PDE4A: variants seen among roughly 807,000 people sequenced by gnomAD.
The protein encoded by PDE4A is phosphodiesterase 4A, also known as 3',5'-cyclic-AMP phosphodiesterase 4A.
A neutral mutation model predicts 73.9 loss-of-function variants in PDE4A; 21 were observed. The observed-to-expected ratio is 0.28, with a 90% confidence interval of 0.20 to 0.41. The LOEUF is 0.41. Among genes scored for constraint, PDE4A ranks in the 10% least tolerant of loss-of-function variants. The pLI, the probability that PDE4A is intolerant of heterozygous loss-of-function variation, is 1.00. For synonymous variants in PDE4A, 463 were observed against 505.4 expected, an observed-to-expected ratio of 0.92 and a Z score of 1.13; for missense variants, 958 against 1,211.4, an observed-to-expected ratio of 0.79 and a Z score of 3.10.
intron 1 of PDE4A, among the ~76,000 whole-genome samples, chr19:10,421,667 T>C (rs913574818): frequency 1.3e-5 from 2 of 152,030 alleles, no homozygotes; most frequent in Non-Finnish European, 2.9e-5. Context: ...TGCGTTAGAT[T>C]GGAGTTCCCC....
In PDE4A at chr19:10,467,095, C is replaced by G. The variant is rs535059972; in HGVS notation, c.2135C>G (p.Thr712Arg). The G allele has an allele frequency of 1.2e-6, 2 of 1,614,086 alleles. No homozygotes were observed. Among genetic ancestry groups the G allele is most frequent in the South Asian group, 2.2e-5 (2 of 91,086 alleles). ...PLPDKFQFEL[T>R]LEEEEEEEIS... ...CCTGACAAGTTCCAGTTTGAGCTGA[C>G]GCTGGAGGAGGAAGAGGAGGAAGAA... is the stretch of plus-strand genomic sequence containing the variant. Residue 712 changes from threonine (T) to arginine (R), a missense_variant, in exon 15 of 15, where the codon ACG (threonine) becomes AGG (arginine). By Grantham distance (71) the Thr-to-Arg change is moderately conservative (BLOSUM62 -1). Around this residue, in one of 3 missense-constraint regions of PDE4A, gnomAD observed 243 missense variants for 245.9 expected, o/e 0.99. Transcript: ENST00000380702.
chr19:10,419,544 G>C (rs536703638), upstream of PDE4A: 1 of 152,458 alleles, frequency 6.6e-6, no homozygotes, highest in South Asian at 2.1e-4. Context: ...AGAAGAGGCA[G>C]CGATGTATAG....
Position 10,453,358 on chromosome 19 carries a change from G to A in PDE4A, c.784-1471G>A, listed in dbSNP as rs201135525. 4.4e-6 allele frequency: 7 copies of A among 1,601,436 alleles called. No homozygotes were observed. In the East Asian group the frequency reaches 6.8e-5, roughly 15 times the overall value. On this transcript the variant is annotated intron_variant, in intron 6 of 14. Transcript: ENST00000380702. The surrounding 1 kb of genome is among the most constrained non-coding windows in gnomAD (Gnocchi z 4.6). ...GGAGAGTGCAGGGTAGGGGGTGGGCGGGCATCCTGGTGAGCTGGGCCCCCG... is the reference window on the plus strand; with the variant it reads ...GGAGAGTGCAGGGTAGGGGGTGGGCAGGCATCCTGGTGAGCTGGGCCCCCG...
chr19:10,422,812 C>T (rs1055131671), intron 1 of PDE4A, among the ~76,000 whole-genome samples: 1 of 152,134 alleles, frequency 6.6e-6, no homozygotes, highest in Admixed American at 6.5e-5. Context: ...AAGTTGGAAT[C>T]AACAGAAAAT....
At chr19:10,435,589 C>A (rs906305686) in intron 1 of PDE4A, among the ~76,000 whole-genome samples, 2 of 151,674 alleles carry the variant, frequency 1.3e-5, no homozygotes, top group Non-Finnish European at 2.9e-5. Context: ...CACACACACA[C>A]ACAAACAAAC....
At chr19:10,452,419 A>C (rs2043105492) in intron 6 of PDE4A, among the ~76,000 whole-genome samples, 3 of 151,404 alleles carry the variant, frequency 2.0e-5, no homozygotes, top group Non-Finnish European at 2.9e-5. Context: ...CCTGGGCGAC[A>C]AGAGTGAAAA....
intron 1 of PDE4A, among the ~76,000 whole-genome samples, chr19:10,438,152 C>T (rs1017229802): frequency 4.1e-5 from 6 of 146,072 alleles, no homozygotes; most frequent in Non-Finnish European, 6.0e-5. Flanking sequence ...CTCGCTCTGT[C>T]GCCAGGCTGG....
intron 1 of PDE4A, among the ~76,000 whole-genome samples, chr19:10,429,237 G>T (rs1056921242): frequency 6.7e-6 from 1 of 148,874 alleles, no homozygotes; most frequent in Non-Finnish European, 1.5e-5. Context: ...AAGAAAGAGA[G>T]GGACGGAGGG....
upstream of PDE4A, chr19:10,419,149 CA>C (rs2042615901): frequency 1.1e-6 from 1 of 917,692 alleles, no homozygotes; most frequent in Middle Eastern, 5.9e-4. Context: ...GAGCCCGTGA[CA>C]GGGGGCGCAC....
chr19:10,421,218 TGC>T, intron 1 of PDE4A, 134 bp downstream of exon 1: 2 of 1,334,314 alleles, frequency 1.5e-6, no homozygotes, highest in Middle Eastern at 5.6e-4. Flanking sequence ...GGAATTCGGC[TGC>T]GGGGGCGTCT....
chr19:10,428,642 A>G (rs2042748361), intron 1 of PDE4A: 2 of 305,086 alleles, frequency 6.6e-6, no homozygotes, highest in South Asian at 2.5e-4. Context: ...GTGTCCATCC[A>G]TGGGGTGAGT....
upstream of PDE4A, chr19:10,417,426 C>T (rs1050788963): frequency 2.3e-5 from 23 of 984,936 alleles, no homozygotes; most frequent in Non-Finnish European, 2.8e-5. Context: ...GACCCCAAGG[C>T]TGGGGCATCG....
rs1183618109 is a variant in PDE4A at position 10,468,248 on chromosome 19, T to C, written c.*627T>C. On this transcript the variant is annotated 3_prime_UTR_variant, in exon 15 of 15. Transcript: ENST00000380702. Reference sequence around the variant, plus strand: ...CTCTAAAAAAGTCTTCCGCTTGATTTTGCACAATCCCGGCGATACTCCTGG... The same window carrying C: ...CTCTAAAAAAGTCTTCCGCTTGATTCTGCACAATCCCGGCGATACTCCTGG... 2.6e-5 allele frequency: 4 copies of C among 152,516 alleles called. No individual in the cohort carries two copies. The highest frequency in any genetic ancestry group is 5.9e-5 in the Non-Finnish European group (4 of 68,034). The allele number at this position is 152,516 out of a possible 1,614,324, so 9.4% of individuals were successfully genotyped here.
Position 10,461,531 on chromosome 19 carries a change from G to A in PDE4A, c.1471G>A (p.Glu491Lys). The A allele has an allele frequency of 1.2e-6, 2 of 1,613,956 alleles. No individual in the cohort carries two copies. Among genetic ancestry groups the A allele is most frequent in the Non-Finnish European group, 1.7e-6 (2 of 1,179,994 alleles). ...SNQFLINTNS[E>K]LALMYNDESV... The stretch of plus-strand genomic sequence containing the variant: ...ACCTCCGGGCTGGGCTGCAGATTCG[G>A]AGCTGGCGCTCATGTACAACGATGA... Residue 491 changes from glutamate (E) to lysine (K), a missense_variant, in exon 12 of 15, where the codon GAG (glutamate) becomes AAG (lysine). Physicochemically the swap from Glu to Lys is moderately conservative, Grantham distance 56. This residue lies in a region of PDE4A where 570 missense variants were observed against 827.7 expected (regional missense o/e 0.69). Coordinates refer to ENST00000380702, the MANE Select transcript of PDE4A (RefSeq NM_001111307.2).
intron 4 of PDE4A, 129 bp from the exon 5 acceptor site, chr19:10,450,474 T>C: frequency 2.1e-6 from 3 of 1,450,322 alleles, no homozygotes; most frequent in Non-Finnish European, 2.7e-6. Flanking sequence ...GCAGAGTACA[T>C]GGCAGCGTCC....
chr19:10,432,250 G>A (rs969599698), intron 1 of PDE4A, among the ~76,000 whole-genome samples: 2 of 147,576 alleles, frequency 1.4e-5, no homozygotes, highest in Non-Finnish European at 3.0e-5. Context: ...GCGCCCGTGC[G>A]CTCCCCTCCC....
At chr19:10,420,514 G>T, upstream of PDE4A, 1 of 1,073,058 alleles carries the variant, frequency 9.3e-7, no homozygotes, top group Non-Finnish European at 1.1e-6. The surrounding 1 kb of genome is among the most constrained non-coding windows in gnomAD (Gnocchi z 6.0). Context: ...AGCGGGCCGC[G>T]GAACGCGGAG....
At chr19:10,452,979 C>A in intron 6 of PDE4A, 1 of 1,257,518 alleles carries the variant, frequency 8.0e-7, no homozygotes, top group Non-Finnish European at 1.0e-6. Context: ...TCCTGGGACC[C>A]TTGCCCTGCC....
Position 10,467,495 on chromosome 19 carries a change from G to A in PDE4A, c.2535G>A (p.Glu845=), listed in dbSNP as rs1182111884. The A allele has an allele frequency of 1.9e-6, 3 of 1,612,782 alleles. No individual in the cohort carries two copies. The highest frequency in any genetic ancestry group is 1.3e-5 in the African/African-American group (1 of 74,918). The change falls in exon 15 of 15, where the codon GAG becomes GAA. Residue 845 remains glutamate, a synonymous_variant. Coordinates refer to ENST00000380702, the MANE Select transcript of PDE4A (RefSeq NM_001111307.2). ...CGGGCCTCCCCTCCACGGCGGCCGA[G>A]GTGGAGGCCCAACGAGAGCACCAGG... ...GLPGLPSTAA[E]VEAQREHQAA...
Sources: gnomAD v4.1 joint callset for allele counts (sites outside exome capture counted in the v4.1 genomes callset) on GRCh38, gnomAD v4.1.1 for gene constraint, gnomAD v4.1.1 regional missense constraint, Gnocchi (gnomAD v3.1) non-coding constraint, MANE v1.5 for transcripts, NCBI Gene and HGNC (gene_info 2026-07-23, HGNC 2026-07-21) for gene names.